GINS1: variants seen among roughly 807,000 people sequenced by gnomAD.
GINS1 encodes the protein GINS complex subunit 1.
Under a neutral mutation model 34.9 loss-of-function variants are expected in GINS1, and 26 were observed. That is an observed-to-expected ratio of 0.74 (90% CI 0.55 to 1.03). The LOEUF (loss-of-function observed/expected upper bound fraction) is 1.03. Among genes scored for constraint, GINS1 ranks in the 50% least tolerant of loss-of-function variants. GINS1 has a pLI of 0.00. For missense variants in GINS1, 235 were observed against 237.9 expected, an observed-to-expected ratio of 0.99 and a Z score of 0.08; for synonymous variants, 97 against 84.4, an observed-to-expected ratio of 1.15 and a Z score of -0.82.
At chr20:25,417,262 C>T in intron 3 of GINS1, 60 bp downstream of exon 3, 1 of 792,434 alleles carries the variant, frequency 1.3e-6, no homozygotes, top group Non-Finnish European at 2.3e-6. Flanking sequence ...CCCAGTTGAC[C>T]ATCTCAAATG....
chr20:25,437,239 C>T (rs1197366138), intron 5 of GINS1, among the ~76,000 whole-genome samples: 1 of 152,246 alleles, frequency 6.6e-6, no homozygotes, highest in African/African-American at 2.4e-5. Context: ...GCGGGAGGGG[C>T]TTGCAGCCTT....
intron 5 of GINS1, among the ~76,000 whole-genome samples, chr20:25,431,518 C>T (rs1360997370): frequency 4.0e-5 from 6 of 150,406 alleles, no homozygotes; most frequent in African/African-American, 7.3e-5. Flanking sequence ...TGTCTTCTTT[C>T]GTTTTTGTTT....
chr20:25,420,371 ATCT>A (rs1401029223), intron 4 of GINS1, among the ~76,000 whole-genome samples: 1 of 151,826 alleles, frequency 6.6e-6, no homozygotes, highest in Non-Finnish European at 1.5e-5. Context: ...TGACCTGATG[ATCT>A]GCCCACCTCA....
At chr20:25,411,943 CAA>C (rs11478911) in intron 1 of GINS1, among the ~76,000 whole-genome samples, 15 of 136,166 alleles carry the variant, frequency 1.1e-4, no homozygotes, top group Middle Eastern at 3.8e-3. Context: ...AACTCCGTCT[CAA>C]AAAAAAAAAA....
At chr20:25,440,839 A>G (rs1293581559) in intron 5 of GINS1, among the ~76,000 whole-genome samples, 1 of 151,834 alleles carries the variant, frequency 6.6e-6, no homozygotes, top group African/African-American at 2.4e-5. Flanking sequence ...AAAAGAAAGA[A>G]AAAACAGCAA....
intron 5 of GINS1, among the ~76,000 whole-genome samples, chr20:25,431,305 C>G (rs953896443): frequency 1.3e-5 from 2 of 152,076 alleles, no homozygotes; most frequent in Non-Finnish European, 2.9e-5. Context: ...TATTCTTAGT[C>G]TGTCTAGCTA....
chr20:25,408,865 C>T, intron 1 of GINS1: 1 of 964,412 alleles, frequency 1.0e-6, no homozygotes. Flanking sequence ...GTATATTTCA[C>T]TTACGTCATA....
intron 1 of GINS1, chr20:25,408,937 A>C: frequency 2.0e-6 from 2 of 983,660 alleles, no homozygotes; most frequent in Non-Finnish European, 2.4e-6. Context: ...AAAACAGATA[A>C]TAGAATTCAC....
Position 25,413,778 on chromosome 20 carries a change from T to C in GINS1, c.76-12T>C, listed in dbSNP as rs2090302528. On this transcript the variant is annotated splice_polypyrimidine_tract_variant and intron_variant, in intron 1 of 6. Transcript: ENST00000262460. ...AAATCAGTGGATTTCAATATCGGTTTATATGTTCTAGGAGGATGGACTCAG... is the reference window on the plus strand; with the variant it reads ...AAATCAGTGGATTTCAATATCGGTTCATATGTTCTAGGAGGATGGACTCAG... The C allele has an allele frequency of 6.6e-7, 1 of 1,518,038 alleles. No homozygotes were observed. Among genetic ancestry groups the C allele is most frequent in the Non-Finnish European group, 9.2e-7 (1 of 1,092,276 alleles). The allele number at this position is 1,518,038 out of a possible 1,614,324, so 94.0% of individuals were successfully genotyped here. A position where few individuals can be genotyped will look rare whatever the true frequency, so the allele number is the denominator to read the frequency against.
intron 4 of GINS1, among the ~76,000 whole-genome samples, 174 bp from the exon 5 acceptor site, chr20:25,425,037 G>T (rs1350455624): frequency 6.6e-6 from 1 of 152,150 alleles, no homozygotes. Context: ...ATGATTCATT[G>T]TAAGTACCCA....
chr20:25,443,673 C>T (rs1052478768), intron 6 of GINS1, among the ~76,000 whole-genome samples: 13 of 151,146 alleles, frequency 8.6e-5, no homozygotes, highest in South Asian at 2.1e-4. Context: ...GTAGAGGCGG[C>T]GTTTCACCAT....
intron 4 of GINS1, 53 bp from the exon 5 acceptor site, chr20:25,425,158 G>A: frequency 2.5e-6 from 2 of 785,798 alleles, no homozygotes; most frequent in Non-Finnish European, 4.6e-6. Context: ...ATGATATTCA[G>A]TGTGTGCAAG....
intron 4 of GINS1, among the ~76,000 whole-genome samples, chr20:25,424,610 C>T (rs1051442939): frequency 3.9e-5 from 6 of 152,178 alleles, no homozygotes; most frequent in Non-Finnish European, 5.9e-5. Context: ...GCCCTGTCCC[C>T]TTTATAGTTA....
At chr20:25,416,574 G>C (rs2090321927) in intron 2 of GINS1, among the ~76,000 whole-genome samples, 1 of 152,176 alleles carries the variant, frequency 6.6e-6, no homozygotes, top group African/African-American at 2.4e-5. Flanking sequence ...AATTTTCAGT[G>C]TGAGAAATAC....
At position 25,407,868 on chromosome 20, in the gene GINS1, G is replaced by T. The variant is rs771180136; in HGVS notation, c.48G>T (p.Ala16=). ...AACTGATCCGCGAGCTGCATCGCGC[G>T]CCCGAAGGGCAACTGCCTGCCTTCA... is the stretch of plus-strand genomic sequence containing the variant. ...AMELIRELHR[A]PEGQLPAFNE... The change falls in exon 1 of 7, where the codon GCG becomes GCT. Residue 16 remains alanine, a synonymous_variant. Transcript: ENST00000262460. 3 of 1,613,858 alleles carry T rather than the reference G, an allele frequency of 1.9e-6. No homozygotes were observed. The highest frequency in any genetic ancestry group is 2.5e-6 in the Non-Finnish European group (3 of 1,179,828).
chr20:25,408,118 C>T (rs751895095), intron 1 of GINS1, among the ~76,000 whole-genome samples: 25 of 152,246 alleles, frequency 1.6e-4, no homozygotes, highest in Non-Finnish European at 3.7e-4. Context: ...TGCATTTTAG[C>T]AGTTTTCCTT....
Position 25,446,034 on chromosome 20 carries a change from T to C in GINS1, c.*43T>C, listed in dbSNP as rs1294645408. 4.7e-6 allele frequency: 5 copies of C among 1,068,836 alleles called. No individual in the cohort carries two copies. The highest frequency in any genetic ancestry group is 7.1e-6 in the Non-Finnish European group (5 of 700,326). 66.2% of individuals were successfully genotyped at this position (1,068,836 alleles called of 1,614,324 possible). A position where few individuals can be genotyped will look rare whatever the true frequency, so the allele number is the denominator to read the frequency against. Reference sequence around the variant, plus strand: ...TCCAGGCTTCACTCAACTCATGGACTCCTCTGTACTCACTCTCTCCACCAC... The same window carrying C: ...TCCAGGCTTCACTCAACTCATGGACCCCTCTGTACTCACTCTCTCCACCAC... On this transcript the variant is annotated 3_prime_UTR_variant, in exon 7 of 7. Coordinates refer to ENST00000262460, the MANE Select transcript of GINS1 (RefSeq NM_021067.5).
intron 5 of GINS1, among the ~76,000 whole-genome samples, chr20:25,428,967 C>CTTTTTTTT (rs1241187859): frequency 6.1e-5 from 7 of 114,162 alleles, no homozygotes; most frequent in Non-Finnish European, 8.9e-5. Flanking sequence ...TCATTCCTCT[C>CTTTTTTTT]TCTTTTTTTT....
intron 5 of GINS1, among the ~76,000 whole-genome samples, chr20:25,432,725 C>T (rs932168404): frequency 7.9e-5 from 12 of 151,920 alleles, no homozygotes; most frequent in African/African-American, 2.9e-4. Context: ...CCTCGGCCTC[C>T]CAAAGTGCTG....
Sources: allele counts gnomAD v4.1 joint callset (sites outside exome capture counted in the v4.1 genomes callset), GRCh38; gene constraint gnomAD v4.1.1; transcripts MANE v1.5; gene names NCBI Gene and HGNC (gene_info 2026-07-23, HGNC 2026-07-21).